Variants in CYRIB observed in about 807,000 individuals in gnomAD.
CYRIB encodes CYFIP related Rac1 interactor B.
Under a neutral mutation model 44.2 loss-of-function variants are expected in CYRIB, and 8 were observed. The ratio of observed to expected loss-of-function variants is 0.18; its 90% confidence interval spans 0.11 to 0.33. The LOEUF is 0.33. Among genes scored for constraint, CYRIB ranks in the 10% least tolerant of loss-of-function variants. CYRIB has a pLI of 1.00. For missense variants in CYRIB, 185 were observed against 382.8 expected (o/e 0.48, Z 4.31); for synonymous variants, 131 against 127.2 (o/e 1.03, Z -0.20).
chr8:129,849,168 C>CTT, intron 10 of CYRIB, 75 bp downstream of exon 12: 1 of 1,424,702 alleles, frequency 7.0e-7, no homozygotes, highest in East Asian at 2.4e-5. Flanking sequence ...TTTGCTGGCT[C>CTT]TTATCATAAA....
intron 1 of CYRIB, among the ~76,000 whole-genome samples, chr8:130,002,054 G>C (rs1057036212): frequency 6.6e-6 from 1 of 152,066 alleles, no homozygotes; most frequent in Admixed American, 6.6e-5. Flanking sequence ...GGGATGCCTG[G>C]GCCTAAGTTT....
At chr8:129,988,376 G>A (rs1449852199) in intron 1 of CYRIB, among the ~76,000 whole-genome samples, 2 of 152,136 alleles carry the variant, frequency 1.3e-5, no homozygotes, top group Non-Finnish European at 2.9e-5. Flanking sequence ...TTCAGGCCCC[G>A]GGGAGAATCT....
chr8:129,946,170 C>T (rs949102625), intron 2 of CYRIB, among the ~76,000 whole-genome samples: 2 of 152,186 alleles, frequency 1.3e-5, no homozygotes, highest in African/African-American at 4.8e-5. Flanking sequence ...ATTGTAATTA[C>T]TGGGTCAAAG....
chr8:130,006,892 A>G (rs1438540644), intron 1 of CYRIB, among the ~76,000 whole-genome samples: 1 of 151,362 alleles, frequency 6.6e-6, no homozygotes, highest in Non-Finnish European at 1.5e-5. Flanking sequence ...GCATCCAAAC[A>G]TTGAAATTTT....
intron 1 of CYRIB, among the ~76,000 whole-genome samples, chr8:129,979,901 ACAAGAGCAAGACTC>A (rs1298451947): frequency 2.0e-5 from 3 of 152,220 alleles, no homozygotes; most frequent in Non-Finnish European, 4.4e-5. Context: ...AACCTGGATG[ACAAGAGCAAGACTC>A]CACCTCAAAA....
chr8:129,913,289 T>A (rs1009992393), intron 1 of CYRIB, among the ~76,000 whole-genome samples: 4 of 152,180 alleles, frequency 2.6e-5, no homozygotes, highest in Non-Finnish European at 5.9e-5. Flanking sequence ...TTCAAAATCA[T>A]GCCTACATAA....
chr8:129,988,844 GA>G (rs753528618), intron 1 of CYRIB, among the ~76,000 whole-genome samples: 1 of 151,830 alleles, frequency 6.6e-6, no homozygotes, highest in Non-Finnish European at 1.5e-5. Context: ...GAGCCCTAAG[GA>G]AAAAATCTAC....
At chr8:129,982,292 A>T (rs2096268374) in intron 1 of CYRIB, among the ~76,000 whole-genome samples, 1 of 152,226 alleles carries the variant, frequency 6.6e-6, no homozygotes, top group Non-Finnish European at 1.5e-5. Flanking sequence ...GCCTCGATGA[A>T]GATGATCTCT....
intron 2 of CYRIB, among the ~76,000 whole-genome samples, chr8:129,885,129 C>G (rs967270234): frequency 2.0e-5 from 3 of 152,226 alleles, no homozygotes; most frequent in African/African-American, 4.8e-5. Flanking sequence ...ACTTCACTTA[C>G]TTTTTCTCCT....
intron 3 of CYRIB, among the ~76,000 whole-genome samples, chr8:129,878,674 A>C (rs1474013315): frequency 7.2e-5 from 11 of 152,236 alleles, no homozygotes; most frequent in Non-Finnish European, 1.6e-4. Flanking sequence ...AGCCAAAAAA[A>C]GCAAAAGCTT....
intron 1 of CYRIB, among the ~76,000 whole-genome samples, chr8:129,919,079 G>A (rs1316726830): frequency 1.3e-5 from 2 of 152,040 alleles, no homozygotes; most frequent in African/African-American, 4.8e-5. Flanking sequence ...CGTTGGCCAG[G>A]CTTGTCTCGA....
chr8:129,995,525 G>A (rs2096745324), intron 1 of CYRIB, among the ~76,000 whole-genome samples: 1 of 152,238 alleles, frequency 6.6e-6, no homozygotes, highest in Non-Finnish European at 1.5e-5. Context: ...AGACCCAGAT[G>A]TGCCTGGCCT....
chr8:129,855,699 G>A, exon 6 of CYRIB: 1 of 1,613,910 alleles, frequency 6.2e-7, no homozygotes, highest in Non-Finnish European at 8.5e-7. Context: ...CTGGGTGGGA[G>A]AATATGGGGT....
intron 1 of CYRIB, among the ~76,000 whole-genome samples, chr8:129,977,808 A>G (rs1316762933): frequency 6.6e-6 from 1 of 152,222 alleles, no homozygotes; most frequent in African/African-American, 2.4e-5. Flanking sequence ...CTGGGATTAC[A>G]GGCGTGAGCC....
At chr8:129,891,772 TG>T (rs1473842788) in intron 2 of CYRIB, among the ~76,000 whole-genome samples, 1 of 152,242 alleles carries the variant, frequency 6.6e-6, no homozygotes, top group African/African-American at 2.4e-5. Context: ...ACTGAGCTTC[TG>T]GCTATTATTC....
At chr8:129,877,397 C>T (rs942224162) in intron 3 of CYRIB, among the ~76,000 whole-genome samples, 1 of 152,078 alleles carries the variant, frequency 6.6e-6, no homozygotes, top group African/African-American at 2.4e-5. Flanking sequence ...CCTGTAATCC[C>T]AGCACTTTGG....
At chr8:129,944,820 C>T (rs1564312468), upstream of CYRIB, among the ~76,000 whole-genome samples, 1 of 151,864 alleles carries the variant, frequency 6.6e-6, no homozygotes, top group Non-Finnish European at 1.5e-5. Flanking sequence ...TAAATAAATG[C>T]ACATTGCTTT....
intron 1 of CYRIB, among the ~76,000 whole-genome samples, chr8:129,997,889 G>A (rs941711053): frequency 1.3e-5 from 2 of 152,088 alleles, no homozygotes; most frequent in Non-Finnish European, 2.9e-5. Context: ...TTGGGAGGCC[G>A]AGGCGGGCGG....
chr8:129,903,338 C>T (rs1471433387), exon 2 of CYRIB: 1 of 152,562 alleles, frequency 6.6e-6, no homozygotes, highest in Non-Finnish European at 1.5e-5. Flanking sequence ...TGATTCTGTC[C>T]TTGTCCTTCT....
Sources: gnomAD v4.1 joint callset for allele counts (sites outside exome capture counted in the v4.1 genomes callset) on GRCh38, gnomAD v4.1.1 for gene constraint, MANE v1.5 for transcripts, NCBI Gene and HGNC (gene_info 2026-07-23, HGNC 2026-07-21) for gene names.